The following PAX8 variants were observed in gnomAD, a reference collection of about 807,000 sequenced individuals.
PAX8 encodes the protein paired box protein Pax-8.
In PAX8, 15 loss-of-function variants were observed where a neutral mutation model predicts 52.4. The observed-to-expected ratio is 0.29, with a 90% CI of 0.19 to 0.44. PAX8 has a LOEUF of 0.44. Ranked by LOEUF, PAX8 falls within the 20% of genes least tolerant of loss-of-function variation. The pLI is 1.00. For synonymous variants in PAX8, 284 were observed against 249.7 expected (o/e 1.14, Z -1.29); for missense variants, 554 against 602.5 (o/e 0.92, Z 0.84).
At position 113,218,476 on chromosome 2, in the gene PAX8, G is replaced by A. The variant is rs1159573625; in HGVS notation, c.*57C>T. On this transcript the variant is annotated 3_prime_UTR_variant, in exon 12 of 12. Transcript: ENST00000429538. ...AGATTCCTTTGTGTGACTCTCTGGGGCCTGTCCCAGGCTGAGTCCTCCTGT... is the reference window on the plus strand; with the variant it reads ...AGATTCCTTTGTGTGACTCTCTGGGACCTGTCCCAGGCTGAGTCCTCCTGT... 4.0e-6 allele frequency: 4 copies of A among 996,918 alleles called. No homozygotes were observed. Among genetic ancestry groups the A allele is most frequent in the Non-Finnish European group, 5.9e-6 (4 of 674,532 alleles). 61.8% of individuals were successfully genotyped at this position (996,918 alleles called of 1,614,324 possible). A position where few individuals can be genotyped will look rare whatever the true frequency, so the allele number is the denominator to read the frequency against.
intron 2 of PAX8, chr2:113,272,248 C>G (rs901701664): frequency 6.6e-6 from 1 of 152,202 alleles, no homozygotes; most frequent in African/African-American, 2.4e-5. Context: ...GGACCCCCAC[C>G]AGCCAAGCAA....
chr2:113,242,710 A>C lies in PAX8; in HGVS notation c.458T>G (p.Leu153Arg). 6.2e-7 allele frequency: 1 copy of C among 1,613,508 alleles called. No homozygotes were observed. Among genetic ancestry groups the C allele is most frequent in the Non-Finnish European group, 8.5e-7 (1 of 1,179,506 alleles). ...PMDSCVATKS[L>R]SPGHTLIPSS... is the part of the protein sequence containing the mutation. ...CTCACTCAGCGTGTGTCCGGGACTC[A>C]GGGACTTGGTGGCCACGCAGCTGTC... is the stretch of plus-strand genomic sequence containing the variant. Residue 153 changes from leucine to arginine, a missense_variant, in exon 5 of 12, where the codon CTG becomes CGG. By Grantham distance (102) the Leu-to-Arg change is moderately radical. Around this residue, in one of 2 missense-constraint regions of PAX8, gnomAD observed 445 missense variants for 409.9 expected, o/e 1.09. Coordinates refer to ENST00000429538, the MANE Select transcript of PAX8 (RefSeq NM_003466.4).
intron 2 of PAX8, chr2:113,259,127 TC>T (rs2104557196): frequency 6.5e-6 from 1 of 152,710 alleles, no homozygotes; most frequent in East Asian, 1.9e-4. Flanking sequence ...TCTGGAGGTC[TC>T]TTCACGCTGT....
chr2:113,242,153 G>C, intron 5 of PAX8, 23 bp from the exon 6 acceptor site: 7 of 1,607,444 alleles, frequency 4.4e-6, no homozygotes, highest in East Asian at 2.2e-5. Context: ...AGAGGGAGAG[G>C]GTCAGGGGTG....
intron 10 of PAX8, chr2:113,226,147 C>A: frequency 1.0e-6 from 1 of 985,554 alleles, no homozygotes; most frequent in Non-Finnish European, 1.2e-6. Flanking sequence ...AGCCCACCTG[C>A]CTCTGCATAG....
chr2:113,251,181 G>A (rs1344083838), intron 2 of PAX8, among the ~76,000 whole-genome samples: 1 of 152,176 alleles, frequency 6.6e-6, no homozygotes, highest in African/African-American at 2.4e-5. Context: ...TGTGTCCGGT[G>A]TGGGGGAGTG....
chr2:113,217,636 G>GT lies in PAX8; in HGVS notation c.*896dup, dbSNP rs1689072641. Reference sequence around the variant, plus strand: ...TGGGTCCCTTCAGTAGCTGGTGGGCGTGAGCTGCAGGAAGCACATTTGGCT... The same window carrying GT: ...TGGGTCCCTTCAGTAGCTGGTGGGCGTTGAGCTGCAGGAAGCACATTTGGCT... On this transcript the variant is annotated 3_prime_UTR_variant, in exon 12 of 12. Coordinates refer to ENST00000429538, the MANE Select transcript of PAX8 (RefSeq NM_003466.4). The GT allele has an allele frequency of 4.3e-6, 1 of 231,332 alleles. No individual in the cohort carries two copies. Among genetic ancestry groups the GT allele is most frequent in the Non-Finnish European group, 8.6e-6 (1 of 116,942 alleles). The allele number at this position is 231,332 out of a possible 1,614,324, so 14.3% of individuals were successfully genotyped here.
chr2:113,234,403 C>T (rs896203947), intron 9 of PAX8, among the ~76,000 whole-genome samples: 6 of 152,366 alleles, frequency 3.9e-5, no homozygotes, highest in Non-Finnish European at 8.8e-5. Flanking sequence ...ACAGATGGTG[C>T]TCCTGCCCAG....
intron 8 of PAX8, chr2:113,236,147 CGCG>C (rs1690292246): frequency 6.4e-6 from 1 of 156,260 alleles, no homozygotes; most frequent in Non-Finnish European, 1.3e-5. Context: ...GGACCGGAGG[CGCG>C]ACCCCTGGGC....
chr2:113,257,011 T>C (rs1419659957), intron 2 of PAX8, among the ~76,000 whole-genome samples: 1 of 152,158 alleles, frequency 6.6e-6, no homozygotes, highest in Non-Finnish European at 1.5e-5. Context: ...TCTGGGGACA[T>C]AGGGGGATGA....
rs750483806 is a variant in PAX8 at position 113,246,783 on chromosome 2, G to A, written c.162C>T (p.Ser54=). The change falls in exon 3 of 12, where the codon AGC becomes AGT. Residue 54 remains serine (S), a synonymous_variant. Transcript: ENST00000429538. ...PCDISRQLRV[S]HGCVSKILGR... ...CAAGGATCTTGCTGACGCAGCCATG[G>A]CTGACGCGGAGCTGGCGAGAGATGT... 4.3e-6 allele frequency: 7 copies of A among 1,613,712 alleles called. No homozygotes were observed. In the South Asian group the frequency reaches 7.7e-5, roughly 18 times the overall value.
At chr2:113,241,130 C>CGT in intron 7 of PAX8, 2 of 333,398 alleles carry the variant, frequency 6.0e-6, no homozygotes, top group South Asian at 2.5e-5. Context: ...AGCTCGGGGC[C>CGT]ATGAGTAATG....
chr2:113,278,732 G>T, intron 1 of PAX8, 99 bp downstream of exon 1: 1 of 627,898 alleles, frequency 1.6e-6, no homozygotes, highest in Non-Finnish European at 2.3e-6. Context: ...CGTTTAACTT[G>T]GGAGGGAAAA....
At chr2:113,243,861 C>A (rs3768767) in intron 4 of PAX8, among the ~76,000 whole-genome samples, 6,184 of 152,284 alleles carry the variant, frequency 0.041, 233 homozygotes, top group South Asian at 0.15. Context: ...CTTTTCTTAG[C>A]AGGACTTACA....
At chr2:113,272,535 T>C (rs1693529481) in intron 2 of PAX8, 1 of 152,188 alleles carries the variant, frequency 6.6e-6, no homozygotes, top group Admixed American at 6.5e-5. Flanking sequence ...TCCACCTCAC[T>C]GCAGAGATTC....
chr2:113,251,772 A>G (rs935554247), intron 2 of PAX8, among the ~76,000 whole-genome samples: 1 of 152,214 alleles, frequency 6.6e-6, no homozygotes, highest in Non-Finnish European at 1.5e-5. Context: ...TTCTTGTTAT[A>G]TGCACCAATA....
rs1262798217 is a variant in PAX8 at position 113,227,234 on chromosome 2, C to T, written c.1110G>A (p.Thr370=). 6.2e-6 allele frequency: 10 copies of T among 1,610,224 alleles called. No homozygotes were observed. In the Admixed American group the frequency reaches 1.2e-4, roughly 19 times the overall value. Residue 370 remains threonine (T), a synonymous_variant, in exon 10 of 12, where the codon ACG becomes ACA. Transcript: ENST00000429538. The part of the protein sequence containing the change: ...LLSGREMVGP[T]LPGYPPHIPT... ...GGATGTGGGGTGGGTATCCGGGCAG[C>T]GTGGGCCCCACCATCTCTCGCCCTG... is the stretch of plus-strand genomic sequence containing the variant.
intron 10 of PAX8, among the ~76,000 whole-genome samples, chr2:113,224,898 G>T (rs781527947): frequency 1.4e-5 from 2 of 147,002 alleles, no homozygotes; most frequent in Non-Finnish European, 3.0e-5. Flanking sequence ...GAAACAGAAG[G>T]TGAATAGACA....
At chr2:113,261,505 T>G (rs1169135460) in intron 2 of PAX8, among the ~76,000 whole-genome samples, 1 of 152,132 alleles carries the variant, frequency 6.6e-6, no homozygotes, top group African/African-American at 2.4e-5. Flanking sequence ...GCCACATGAC[T>G]TGCATGGTAA....
Sources: allele counts gnomAD v4.1 joint callset (sites outside exome capture counted in the v4.1 genomes callset), GRCh38; gene constraint gnomAD v4.1.1; regional missense constraint gnomAD v4.1.1; transcripts MANE v1.5; gene names NCBI Gene and HGNC (gene_info 2026-07-23, HGNC 2026-07-21).